WWOX: variants seen among roughly 807,000 people sequenced by gnomAD.
WWOX encodes the protein WW domain-containing oxidoreductase.
Under a neutral mutation model 46.2 loss-of-function variants are expected in WWOX, and 69 were observed. The ratio of observed to expected loss-of-function variants is 1.49; its 90% CI spans 1.23 to 1.82. WWOX has a LOEUF of 1.82. WWOX is among the 40% of genes most tolerant of loss of function. The pLI is 0.00. For synonymous variants in WWOX, 359 were observed against 202.6 expected, an observed-to-expected ratio of 1.77 and a Z score of -6.56; for missense variants, 919 against 542.6, an observed-to-expected ratio of 1.69 and a Z score of -6.89.
At chr16:78,476,862 C>T (rs2151440862) in intron 8 of WWOX, among the ~76,000 whole-genome samples, 1 of 151,822 alleles carries the variant, frequency 6.6e-6, no homozygotes, top group East Asian at 1.9e-4. Context: ...TTTTTCCTTC[C>T]CTCCCTTCCT....
At chr16:78,458,325 A>C (rs867049778) in intron 8 of WWOX, among the ~76,000 whole-genome samples, 6 of 146,646 alleles carry the variant, frequency 4.1e-5, no homozygotes, top group Middle Eastern at 3.7e-3. Context: ...CAGTGGCGTG[A>C]TCACAGCTCA....
chr16:78,780,719 C>A (rs375703441), intron 8 of WWOX, among the ~76,000 whole-genome samples: 1 of 152,084 alleles, frequency 6.6e-6, no homozygotes, highest in Non-Finnish European at 1.5e-5. Flanking sequence ...GTGCAGGGTC[C>A]CTGAGGCAGA....
At chr16:78,725,521 A>G (rs1248981976) in intron 8 of WWOX, among the ~76,000 whole-genome samples, 2 of 148,530 alleles carry the variant, frequency 1.3e-5, no homozygotes, top group East Asian at 2.0e-4. Context: ...CTAATTTTGT[A>G]TTTTTAGTAG....
At chr16:79,058,443 T>G (rs564600783) in intron 8 of WWOX, among the ~76,000 whole-genome samples, 2 of 150,936 alleles carry the variant, frequency 1.3e-5, no homozygotes, top group Non-Finnish European at 2.9e-5. Context: ...GAATGATGAA[T>G]GTAGTGAGAG....
intron 8 of WWOX, among the ~76,000 whole-genome samples, chr16:78,857,120 T>C (rs986014168): frequency 4.6e-5 from 7 of 152,234 alleles, no homozygotes; most frequent in African/African-American, 1.7e-4. Context: ...CATTATGCAG[T>C]GTGTGATAGT....
intron 1 of WWOX, among the ~76,000 whole-genome samples, chr16:78,100,751 C>T (rs1025108538): frequency 3.3e-5 from 5 of 152,246 alleles, no homozygotes. Flanking sequence ...AGCACCGTGT[C>T]TAGTAGGTAC....
At chr16:78,979,491 C>T (rs937974757) in intron 8 of WWOX, among the ~76,000 whole-genome samples, 1 of 152,154 alleles carries the variant, frequency 6.6e-6, no homozygotes, top group Non-Finnish European at 1.5e-5. Flanking sequence ...TGATTTTGCT[C>T]AGGACTGAAT....
chr16:78,882,872 G>A (rs948199982), intron 8 of WWOX, among the ~76,000 whole-genome samples: 10 of 151,392 alleles, frequency 6.6e-5, no homozygotes. Flanking sequence ...AAGACTTCCT[G>A]AGTGTCTGCT....
intron 8 of WWOX, chr16:78,896,508 G>C (rs1287131754): frequency 6.6e-6 from 1 of 152,138 alleles, no homozygotes; most frequent in Non-Finnish European, 1.5e-5. Flanking sequence ...GTCTGAGGCT[G>C]ATCATTAACT....
At position 78,109,940 on chromosome 16, in the gene WWOX, A is replaced by T. The variant is rs778742918; in HGVS notation, c.230+105A>T. On this transcript the variant is annotated intron_variant, in intron 3 of 8. Coordinates refer to ENST00000566780, the MANE Select transcript of WWOX (RefSeq NM_016373.4). ...ACTGTAGAAAAATACAAAGTATAAC[A>T]GTGTGTATCTGTAATCTTAGCAGAA... The T allele has an allele frequency of 7.4e-6, 9 of 1,210,218 alleles. No individual in the cohort carries two copies. In the South Asian group the frequency reaches 1.1e-4, roughly 15 times the overall value. The allele number at this position is 1,210,218 out of a possible 1,614,324, so 75.0% of individuals were successfully genotyped here. A position where few individuals can be genotyped will look rare whatever the true frequency, so the allele number is the denominator to read the frequency against.
intron 8 of WWOX, among the ~76,000 whole-genome samples, chr16:78,458,320 G>GC (rs1165514029): frequency 1.3e-5 from 2 of 149,600 alleles, no homozygotes; most frequent in African/African-American, 4.9e-5. Context: ...GAGTACAGTG[G>GC]CGTGATCACA....
Position 79,173,782 on chromosome 16 carries a change from T to C in WWOX, c.1057-37826T>C, listed in dbSNP as rs547296422. On this transcript the variant is annotated intron_variant, in intron 8 of 8. Coordinates refer to ENST00000566780, the MANE Select transcript of WWOX (RefSeq NM_016373.4). ...ATAAAATGACAGTTGGAAAAAATAC[T>C]TATGATAAAAGGTTTAATGACAAAG... 2.0e-5 allele frequency among the ~76,000 whole-genome samples: 3 copies of C among 152,242 alleles called. No homozygotes were observed. In the East Asian group the frequency reaches 5.8e-4, roughly 29 times the overall value.
chr16:78,637,382 A>C (rs2046597964), intron 8 of WWOX, among the ~76,000 whole-genome samples: 1 of 151,938 alleles, frequency 6.6e-6, no homozygotes, highest in African/African-American at 2.4e-5. Context: ...CAGAGGTTGC[A>C]GTGAGCCAAG....
intron 4 of WWOX, among the ~76,000 whole-genome samples, chr16:78,115,764 C>T (rs927891914): frequency 1.3e-5 from 2 of 152,224 alleles, no homozygotes; most frequent in East Asian, 3.9e-4. Flanking sequence ...CGGGAGCAAA[C>T]CATAACTCTT....
intron 5 of WWOX, among the ~76,000 whole-genome samples, chr16:78,313,255 C>G (rs1031063638): frequency 6.6e-6 from 1 of 152,206 alleles, no homozygotes; most frequent in Non-Finnish European, 1.5e-5. Flanking sequence ...ACTTCCTTAT[C>G]TATAAAATAT....
intron 8 of WWOX, among the ~76,000 whole-genome samples, chr16:78,682,702 C>G (rs2047758618): frequency 6.6e-6 from 1 of 152,082 alleles, no homozygotes; most frequent in Non-Finnish European, 1.5e-5. Context: ...AGCAAGATCC[C>G]AACCCTATTA....
At chr16:78,177,631 A>G (rs1361956302) in intron 5 of WWOX, among the ~76,000 whole-genome samples, 6 of 152,198 alleles carry the variant, frequency 3.9e-5, no homozygotes, top group East Asian at 1.9e-4. Context: ...CAGCTCCTCT[A>G]TGAGGCCAGA....
At chr16:78,326,429 C>A (rs1035036098) in intron 5 of WWOX, among the ~76,000 whole-genome samples, 1 of 151,918 alleles carries the variant, frequency 6.6e-6, no homozygotes, top group Non-Finnish European at 1.5e-5. Context: ...CTGGGAGAAA[C>A]AAGGGGTTGA....
At chr16:79,086,071 C>G (rs1040793649) in intron 8 of WWOX, among the ~76,000 whole-genome samples, 3 of 99,788 alleles carry the variant, frequency 3.0e-5, no homozygotes, top group South Asian at 6.3e-4. Flanking sequence ...GACCCCATCT[C>G]CAAAAAAAAG....
Sources: gnomAD v4.1 joint callset for allele counts (sites outside exome capture counted in the v4.1 genomes callset) on GRCh38, gnomAD v4.1.1 for gene constraint, MANE v1.5 for transcripts, NCBI Gene and HGNC (gene_info 2026-07-23, HGNC 2026-07-21) for gene names.